Variants in PPP1R12A observed in about 807,000 individuals in gnomAD.
PPP1R12A encodes the protein protein phosphatase 1 regulatory subunit 12A, also known as myosin binding subunit.
In PPP1R12A, 19 loss-of-function variants were observed where a neutral mutation model predicts 139.6. The ratio of observed to expected loss-of-function variants is 0.14; its 90% CI spans 0.09 to 0.20. The LOEUF is 0.20. Among genes scored for constraint, PPP1R12A ranks in the 10% least tolerant of loss-of-function variants. The pLI, the probability that PPP1R12A is intolerant of heterozygous loss-of-function variation, is 1.00. For synonymous variants in PPP1R12A, 427 were observed against 420.6 expected, an observed-to-expected ratio of 1.02 and a Z score of -0.19; for missense variants, 925 against 1,211.5, an observed-to-expected ratio of 0.76 and a Z score of 3.51.
chr12:79,802,444 A>G (rs546563314), intron 14 of PPP1R12A, among the ~76,000 whole-genome samples: 1 of 152,322 alleles, frequency 6.6e-6, no homozygotes, highest in Admixed American at 6.5e-5. Context: ...AGAAGAAAAA[A>G]TAAAAGGAGA....
intron 2 of PPP1R12A, among the ~76,000 whole-genome samples, chr12:79,863,905 C>T (rs1320677701): frequency 1.3e-5 from 2 of 152,184 alleles, no homozygotes; most frequent in South Asian, 2.1e-4. Context: ...CTTTAATACC[C>T]CACTGTCAAT....
intron 2 of PPP1R12A, among the ~76,000 whole-genome samples, chr12:79,864,102 C>T (rs888566356): frequency 6.6e-6 from 1 of 152,160 alleles, no homozygotes; most frequent in Admixed American, 6.5e-5. Context: ...AAACACTTCT[C>T]AGCAAATGTA....
intron 9 of PPP1R12A, among the ~76,000 whole-genome samples, chr12:79,810,604 T>C (rs932917088): frequency 5.7e-4 from 87 of 152,320 alleles, no homozygotes; most frequent in African/African-American, 2.0e-3. Context: ...ATTTTCTTCA[T>C]TTGAAAATAA....
intron 1 of PPP1R12A, among the ~76,000 whole-genome samples, chr12:79,926,136 G>A (rs557547211): frequency 5.9e-5 from 9 of 152,180 alleles, no homozygotes; most frequent in South Asian, 2.1e-4. Context: ...AAACTGAAGC[G>A]TCTATTGATA....
Position 79,892,214 on chromosome 12 carries a change from CAAGT to C in PPP1R12A, c.238-19280_238-19277del, listed in dbSNP as rs1194011350. Among the ~76,000 whole-genome samples, 5 of 152,150 alleles carry C rather than the reference CAAGT, an allele frequency of 3.3e-5. No homozygotes were observed. In the East Asian group the frequency reaches 5.8e-4, roughly 18 times the overall value. On this transcript the variant is annotated intron_variant, in intron 1 of 24. Transcript: ENST00000450142. Reference sequence around the variant, plus strand: ...TATTTTCACCCTTCTTAAATGTCATCAAGTAAGAGTTACCTAAACTTAGTCCTCT... The same window carrying C: ...TATTTTCACCCTTCTTAAATGTCATCAAGAGTTACCTAAACTTAGTCCTCT...
chr12:79,886,312 T>G (rs1884098742), intron 1 of PPP1R12A, among the ~76,000 whole-genome samples: 1 of 152,134 alleles, frequency 6.6e-6, no homozygotes, highest in Non-Finnish European at 1.5e-5. Flanking sequence ...TACTGGCAAA[T>G]GAAAAGCAAG....
chr12:79,854,634 A>G (rs1004937711), intron 2 of PPP1R12A, among the ~76,000 whole-genome samples: 9 of 152,104 alleles, frequency 5.9e-5, no homozygotes, highest in Non-Finnish European at 1.2e-4. Flanking sequence ...ATTTCTCTCT[A>G]TGACTCAGTC....
intron 1 of PPP1R12A, among the ~76,000 whole-genome samples, chr12:79,924,633 T>G (rs1887693255): frequency 6.6e-6 from 1 of 151,934 alleles, no homozygotes; most frequent in African/African-American, 2.4e-5. Flanking sequence ...CTCACTTTGT[T>G]GCCCAAGCCA....
intron 1 of PPP1R12A, among the ~76,000 whole-genome samples, chr12:79,893,434 G>A (rs759214787): frequency 1.3e-5 from 2 of 151,842 alleles, no homozygotes; most frequent in Non-Finnish European, 2.9e-5. Context: ...ACTACACTAC[G>A]GGCTCTCAAA....
intron 5 of PPP1R12A, among the ~76,000 whole-genome samples, chr12:79,827,149 AAAC>A: frequency 6.6e-6 from 1 of 152,308 alleles, no homozygotes; most frequent in Non-Finnish European, 1.5e-5. Flanking sequence ...TTATGATGAA[AAAC>A]AACAGAGAAA....
At position 79,781,884 on chromosome 12, in the gene PPP1R12A, TAA is replaced by T. The variant is rs757873281; in HGVS notation, c.2908-24_2908-23del. 4 of 1,501,902 alleles carry T rather than the reference TAA, an allele frequency of 2.7e-6. No individual in the cohort carries two copies. In the South Asian group the frequency reaches 3.8e-5, roughly 14 times the overall value. The allele number at this position is 1,501,902 out of a possible 1,614,324, so 93.0% of individuals were successfully genotyped here. A position where few individuals can be genotyped will look rare whatever the true frequency, so the allele number is the denominator to read the frequency against. On this transcript the variant is annotated intron_variant, in intron 22 of 24. Coordinates refer to ENST00000450142, the MANE Select transcript of PPP1R12A (RefSeq NM_002480.3). ...GTCTCTGCAACAAAGTAAGAAATTA[TAA>T]AAGAGATAAGTGCAAAAAAGTTCAG...
intron 4 of PPP1R12A, 86 bp from the exon 5 acceptor site, chr12:79,828,550 T>A: frequency 9.7e-7 from 1 of 1,033,396 alleles, no homozygotes; most frequent in Non-Finnish European, 1.3e-6. Flanking sequence ...GCAATTTAAC[T>A]ACAATTTTCA....
chr12:79,899,239 T>A (rs1269144868), intron 1 of PPP1R12A, among the ~76,000 whole-genome samples: 17 of 676 alleles, frequency 0.025, no homozygotes, highest in South Asian at 0.096. Context: ...TAAAAATATA[T>A]ATATATATAT....
intron 1 of PPP1R12A, among the ~76,000 whole-genome samples, chr12:79,919,700 G>C (rs1020634731): frequency 2.0e-5 from 3 of 152,000 alleles, no homozygotes; most frequent in Admixed American, 1.3e-4. Flanking sequence ...CACTCCAGTA[G>C]ACTACAAGCT....
chr12:79,934,515 C>A (rs1464984692), intron 1 of PPP1R12A, among the ~76,000 whole-genome samples, 180 bp downstream of exon 1: 3 of 152,220 alleles, frequency 2.0e-5, no homozygotes. Context: ...GGCCTCAAGC[C>A]CAGCGCCCTC....
At chr12:79,796,637 C>G (rs529000723) in intron 17 of PPP1R12A, 145 bp downstream of exon 17, 1 of 609,530 alleles carries the variant, frequency 1.6e-6, no homozygotes, top group Non-Finnish European at 2.6e-6. Context: ...TTTTCTCATT[C>G]TCAACCTTCA....
At chr12:79,847,862 A>C (rs147668871) in intron 2 of PPP1R12A, among the ~76,000 whole-genome samples, 1 of 152,274 alleles carries the variant, frequency 6.6e-6, no homozygotes, top group East Asian at 1.9e-4. Context: ...AAGTCCTGTG[A>C]TAGGAAGTAT....
chr12:79,903,871 T>C (rs1369270795), intron 1 of PPP1R12A, among the ~76,000 whole-genome samples: 1 of 152,140 alleles, frequency 6.6e-6, no homozygotes, highest in Non-Finnish European at 1.5e-5. Flanking sequence ...GACCCATTTT[T>C]CCCCCTACTC....
chr12:79,795,595 T>C, intron 18 of PPP1R12A, 43 bp downstream of exon 18: 1 of 1,561,126 alleles, frequency 6.4e-7, no homozygotes. Context: ...TTAAGAATAC[T>C]ATCAAGAATA....
Sources: gnomAD v4.1 joint callset for allele counts (sites outside exome capture counted in the v4.1 genomes callset) on GRCh38, gnomAD v4.1.1 for gene constraint, MANE v1.5 for transcripts, NCBI Gene and HGNC (gene_info 2026-07-23, HGNC 2026-07-21) for gene names.